Variants in SCFD2 observed in about 807,000 individuals in gnomAD.
SCFD2 encodes sec1 family domain-containing protein 2.
Under a neutral mutation model 58.9 loss-of-function variants are expected in SCFD2, and 54 were observed. That is an observed-to-expected ratio of 0.92 (90% CI 0.74 to 1.15). The LOEUF (loss-of-function observed/expected upper bound fraction) is 1.15. Ranked by LOEUF, SCFD2 falls within the 50% of genes most tolerant of loss-of-function variation. The pLI, the probability that SCFD2 is intolerant of heterozygous loss-of-function variation, is 0.00. For synonymous variants in SCFD2, 321 were observed against 335.9 expected, an observed-to-expected ratio of 0.96 and a Z score of 0.49; for missense variants, 805 against 836.6, an observed-to-expected ratio of 0.96 and a Z score of 0.47.
chr4:52,879,870 T>C (rs1300244454), intron 8 of SCFD2, among the ~76,000 whole-genome samples: 1 of 152,200 alleles, frequency 6.6e-6, no homozygotes, highest in Admixed American at 6.5e-5. Flanking sequence ...GGGGTACATT[T>C]TTCTCTCTCC....
At chr4:52,997,823 A>G (rs1721778557) in intron 5 of SCFD2, among the ~76,000 whole-genome samples, 2 of 152,156 alleles carry the variant, frequency 1.3e-5, no homozygotes, top group Admixed American at 1.3e-4. Flanking sequence ...TTCTATGCCT[A>G]TATCCCTGGC....
At chr4:53,040,263 C>T (rs564453487) in intron 5 of SCFD2, among the ~76,000 whole-genome samples, 5 of 152,126 alleles carry the variant, frequency 3.3e-5, no homozygotes, top group Middle Eastern at 3.4e-3. Flanking sequence ...ATGTAACTAC[C>T]GCAGCATGTA....
chr4:53,295,324 T>C (rs1452548535), intron 3 of SCFD2, among the ~76,000 whole-genome samples: 1 of 152,176 alleles, frequency 6.6e-6, no homozygotes, highest in Non-Finnish European at 1.5e-5. Flanking sequence ...CCTTGAGTCA[T>C]GGTTTTTGTG....
At chr4:52,874,123 G>T (rs1020006517) in intron 8 of SCFD2, 62 bp from the exon 9 acceptor site, 3 of 1,094,428 alleles carry the variant, frequency 2.7e-6, no homozygotes, top group Non-Finnish European at 4.2e-6. Context: ...CAGGGTATTG[G>T]ATGATGAGAA....
At chr4:53,284,299 TATTG>T (rs879477196) in intron 3 of SCFD2, among the ~76,000 whole-genome samples, 3 of 152,088 alleles carry the variant, frequency 2.0e-5, no homozygotes, top group Non-Finnish European at 4.4e-5. Flanking sequence ...TCATTTTTCT[TATTG>T]ATTGTTTATT....
At chr4:53,070,073 T>G (rs1397150786) in intron 5 of SCFD2, among the ~76,000 whole-genome samples, 1 of 152,040 alleles carries the variant, frequency 6.6e-6, no homozygotes, top group African/African-American at 2.4e-5. Flanking sequence ...AGAGAGAAAC[T>G]TCTTACTAGT....
chr4:53,352,790 T>G (rs780848268), intron 1 of SCFD2, 24 bp from the exon 2 acceptor site: 2 of 1,589,776 alleles, frequency 1.3e-6, no homozygotes. Flanking sequence ...CAAGATGATG[T>G]AAATTCATAA....
At chr4:53,168,670 A>C (rs1269899422) in intron 4 of SCFD2, among the ~76,000 whole-genome samples, 2 of 152,338 alleles carry the variant, frequency 1.3e-5, no homozygotes, top group East Asian at 3.9e-4. Context: ...TGATGTTATG[A>C]TATATGTATA....
chr4:52,943,327 G>A (rs922602423), intron 5 of SCFD2, among the ~76,000 whole-genome samples: 1 of 152,270 alleles, frequency 6.6e-6, no homozygotes, highest in East Asian at 1.9e-4. Flanking sequence ...TTTGTTCTGT[G>A]CTGCTATAAC....
chr4:52,953,309 A>T (rs1014137686), intron 5 of SCFD2, among the ~76,000 whole-genome samples: 1 of 152,178 alleles, frequency 6.6e-6, no homozygotes, highest in African/African-American at 2.4e-5. Context: ...TAACCTATAG[A>T]CCTGGTGTCA....
intron 5 of SCFD2, among the ~76,000 whole-genome samples, chr4:52,921,496 T>A (rs1240966241): frequency 6.6e-6 from 1 of 150,866 alleles, no homozygotes; most frequent in African/African-American, 2.5e-5. Context: ...TGATCATGGA[T>A]AAGTTAAAAA....
At chr4:52,992,662 G>T (rs999314296) in intron 5 of SCFD2, among the ~76,000 whole-genome samples, 4 of 151,660 alleles carry the variant, frequency 2.6e-5, no homozygotes, top group Non-Finnish European at 4.4e-5. Flanking sequence ...TGTGAGGAGT[G>T]CCTCTGCCTG....
intron 5 of SCFD2, among the ~76,000 whole-genome samples, chr4:53,121,150 C>T (rs143113384): frequency 2.5e-3 from 386 of 152,242 alleles, no homozygotes; most frequent in African/African-American, 8.8e-3. Flanking sequence ...TCAGAACTGT[C>T]GCTCATTATA....
intron 3 of SCFD2, among the ~76,000 whole-genome samples, chr4:53,300,578 G>A (rs927223199): frequency 3.3e-5 from 5 of 151,846 alleles, no homozygotes; most frequent in East Asian, 1.9e-4. Context: ...GGAATTGAAC[G>A]CAGCTCTGCA....
intron 4 of SCFD2, among the ~76,000 whole-genome samples, chr4:53,248,264 G>C (rs1353502680): frequency 6.6e-6 from 1 of 152,240 alleles, no homozygotes; most frequent in African/African-American, 2.4e-5. Flanking sequence ...ACCTGGCTTG[G>C]AGGGTCCTAC....
chr4:53,018,683 T>C (rs1053528541), intron 5 of SCFD2, among the ~76,000 whole-genome samples: 1 of 152,172 alleles, frequency 6.6e-6, no homozygotes, highest in African/African-American at 2.4e-5. Flanking sequence ...AGACCCAGCA[T>C]ATCAACCCTG....
chr4:53,036,262 A>G (rs1722757645), intron 5 of SCFD2, among the ~76,000 whole-genome samples: 1 of 150,388 alleles, frequency 6.6e-6, no homozygotes, highest in Non-Finnish European at 1.5e-5. Flanking sequence ...CCCTGTGTCC[A>G]TGTGTTCTCA....
At chr4:53,084,925 G>T (rs1724261431) in intron 5 of SCFD2, among the ~76,000 whole-genome samples, 1 of 152,184 alleles carries the variant, frequency 6.6e-6, no homozygotes. Context: ...TCTACAGCTG[G>T]TATCATGCTG....
At chr4:53,352,066 G>C (rs928773685) in intron 2 of SCFD2, among the ~76,000 whole-genome samples, 5 of 152,000 alleles carry the variant, frequency 3.3e-5, no homozygotes, top group African/African-American at 1.2e-4. Context: ...GTCATTTCTG[G>C]AGAAATTCTT....
Sources: allele counts gnomAD v4.1 joint callset (sites outside exome capture counted in the v4.1 genomes callset), GRCh38; gene constraint gnomAD v4.1.1; transcripts MANE v1.5; gene names NCBI Gene and HGNC (gene_info 2026-07-23, HGNC 2026-07-21).